Variants in CPEB1 observed in about 807,000 individuals in gnomAD.
The protein encoded by CPEB1 is cytoplasmic polyadenylation element-binding protein 1.
CPEB1 carries 7 observed loss-of-function variants against 65.8 expected under a neutral mutation model. The ratio of observed to expected loss-of-function variants is 0.11; its 90% confidence interval spans 0.06 to 0.20. The LOEUF (loss-of-function observed/expected upper bound fraction) is 0.20, where lower values mean the gene tolerates loss of function less well. Among genes scored for constraint, CPEB1 ranks in the 10% least tolerant of loss-of-function variants. CPEB1 has a pLI of 1.00. For missense variants in CPEB1, 551 were observed against 712.2 expected (o/e 0.77, Z 2.58); for synonymous variants, 262 against 260.0 (o/e 1.01, Z -0.08).
intron 3 of CPEB1, 35 bp downstream of exon 3, chr15:82,627,158 T>C: frequency 6.3e-7 from 1 of 1,581,964 alleles, no homozygotes; most frequent in Non-Finnish European, 8.6e-7. Flanking sequence ...TCTGTACAGA[T>C]GCCTACCACG....
At chr15:82,586,323 C>T (rs10520565) in intron 3 of CPEB1, among the ~76,000 whole-genome samples, 13,135 of 151,012 alleles carry the variant, frequency 0.087, 841 homozygotes, top group East Asian at 0.32. Context: ...TATACTGTGG[C>T]TTTTCCTTTA....
chr15:82,614,826 T>C (rs897897835), intron 3 of CPEB1, among the ~76,000 whole-genome samples: 2 of 151,492 alleles, frequency 1.3e-5, no homozygotes, highest in African/African-American at 4.9e-5. Context: ...ACAGAAAACC[T>C]AGTTCAACTC....
At chr15:82,562,945 T>G (rs2038487215) in intron 4 of CPEB1, among the ~76,000 whole-genome samples, 1 of 151,980 alleles carries the variant, frequency 6.6e-6, no homozygotes, top group Non-Finnish European at 1.5e-5. Context: ...CAAGGCTATA[T>G]AGGACATTTA....
chr15:82,571,480 A>G lies in CPEB1; in HGVS notation c.324T>C (p.Ser108=), dbSNP rs1231653629. The change falls in exon 4 of 13, where the codon TCT becomes TCC. Residue 108 remains serine, a synonymous_variant. Coordinates refer to ENST00000684509, the MANE Select transcript of CPEB1 (RefSeq NM_001365242.1). ...TVTSRMLFPT[S]AQESSRGLPD... Reference sequence around the variant, plus strand: ...GGAGGCCACGGGAAGATTCTTGCGCAGAGGTTGGGAAAAGCATCCTGCTTG... The same window carrying G: ...GGAGGCCACGGGAAGATTCTTGCGCGGAGGTTGGGAAAAGCATCCTGCTTG... 6.2e-7 allele frequency: 1 copy of G among 1,614,182 alleles called. No individual in the cohort carries two copies. The highest frequency in any genetic ancestry group is 1.1e-5 in the South Asian group (1 of 91,082).
chr15:82,614,135 C>A (rs1330402416), intron 3 of CPEB1, among the ~76,000 whole-genome samples: 1 of 152,058 alleles, frequency 6.6e-6, no homozygotes, highest in Non-Finnish European at 1.5e-5. Flanking sequence ...AGGCTCCCAG[C>A]GTCCTCTTCG....
At chr15:82,642,425 T>C (rs1468530713) in intron 1 of CPEB1, among the ~76,000 whole-genome samples, 1 of 152,202 alleles carries the variant, frequency 6.6e-6, no homozygotes, top group Non-Finnish European at 1.5e-5. Flanking sequence ...TGAATGGCTG[T>C]AGTCCTAGCT....
At chr15:82,572,979 A>G in intron 3 of CPEB1, 1 of 1,448,384 alleles carries the variant, frequency 6.9e-7, no homozygotes, top group Non-Finnish European at 9.1e-7. Flanking sequence ...AGGGTAGGGC[A>G]ACAGGCCCAG....
At chr15:82,556,924 G>A (rs1012173342) in intron 5 of CPEB1, among the ~76,000 whole-genome samples, 1 of 152,210 alleles carries the variant, frequency 6.6e-6, no homozygotes, top group African/African-American at 2.4e-5. Flanking sequence ...TGCCAGTCCT[G>A]GGTATGGGGA....
chr15:82,576,518 T>C (rs2040664821), intron 3 of CPEB1, among the ~76,000 whole-genome samples: 1 of 152,244 alleles, frequency 6.6e-6, no homozygotes, highest in African/African-American at 2.4e-5. Flanking sequence ...TGGGGTAAAC[T>C]GTAGCAATGT....
At chr15:82,553,648 G>C (rs1283260016) in intron 7 of CPEB1, 92 bp from the exon 8 acceptor site, 1 of 974,106 alleles carries the variant, frequency 1.0e-6, no homozygotes. Flanking sequence ...CTCCTCCCTG[G>C]CTCATCCCCA....
At chr15:82,638,041 G>A (rs1262112616) in intron 1 of CPEB1, 1 of 442,788 alleles carries the variant, frequency 2.3e-6, no homozygotes, top group East Asian at 7.0e-5. Flanking sequence ...AAGATAGCGG[G>A]ATTTTCTGGT....
intron 3 of CPEB1, chr15:82,573,009 C>T: frequency 1.3e-6 from 2 of 1,527,382 alleles, no homozygotes; most frequent in Non-Finnish European, 1.8e-6. Flanking sequence ...GCAGGCTGCT[C>T]AAACCTGGAC....
chr15:82,644,508 C>T (rs937920876), intron 1 of CPEB1, among the ~76,000 whole-genome samples: 3 of 152,178 alleles, frequency 2.0e-5, no homozygotes, highest in Admixed American at 2.0e-4. Flanking sequence ...TTGAATCCAA[C>T]ATTAAAGACA....
At chr15:82,590,723 CAT>C (rs1396544598) in intron 3 of CPEB1, among the ~76,000 whole-genome samples, 2 of 152,234 alleles carry the variant, frequency 1.3e-5, no homozygotes, top group African/African-American at 4.8e-5. Flanking sequence ...TCTTTGTGTC[CAT>C]ATGTCCTTAT....
At chr15:82,609,322 G>C (rs1036164567) in intron 3 of CPEB1, among the ~76,000 whole-genome samples, 4 of 151,964 alleles carry the variant, frequency 2.6e-5, no homozygotes, top group African/African-American at 9.7e-5. Flanking sequence ...AACATAGTGA[G>C]AGACCCTGCC....
chr15:82,578,772 CA>C lies in CPEB1; in HGVS notation c.272-7241del, dbSNP rs1031000148. On this transcript the variant is annotated intron_variant, in intron 3 of 12. Coordinates refer to ENST00000684509, the MANE Select transcript of CPEB1 (RefSeq NM_001365242.1). ...ATTCTGTCTCAAAAAAACAAACAAA[CA>C]AAAAAAACCCCAAGTCATTCCAGCA... is the stretch of plus-strand genomic sequence containing the variant. Among the ~76,000 whole-genome samples the C allele has an allele frequency of 7.9e-5, 12 of 151,826 alleles. No individual in the cohort carries two copies. In the South Asian group the frequency reaches 2.3e-3, roughly 29 times the overall value.
chr15:82,597,710 G>A (rs1271855715), intron 3 of CPEB1, among the ~76,000 whole-genome samples: 3 of 152,102 alleles, frequency 2.0e-5, no homozygotes, highest in Admixed American at 2.0e-4. Context: ...AGGGGGAATT[G>A]GGTTTTCTTA....
At chr15:82,576,769 T>C (rs2040696762) in intron 3 of CPEB1, among the ~76,000 whole-genome samples, 1 of 152,170 alleles carries the variant, frequency 6.6e-6, no homozygotes, top group Non-Finnish European at 1.5e-5. Context: ...ATACGTGTAG[T>C]CCCAGCACTT....
intron 4 of CPEB1, among the ~76,000 whole-genome samples, chr15:82,571,065 C>T (rs1432611079): frequency 2.0e-5 from 3 of 152,192 alleles, no homozygotes; most frequent in Non-Finnish European, 4.4e-5. Flanking sequence ...AAGGCCACCA[C>T]GCCTTGGGGA....
Sources: gnomAD v4.1 joint callset for allele counts (sites outside exome capture counted in the v4.1 genomes callset) on GRCh38, gnomAD v4.1.1 for gene constraint, MANE v1.5 for transcripts, NCBI Gene and HGNC (gene_info 2026-07-23, HGNC 2026-07-21) for gene names.